TP53BP2: variants seen among roughly 807,000 people sequenced by gnomAD.
TP53BP2 encodes tumor protein p53 binding protein 2.
TP53BP2 carries 62 observed loss-of-function variants against 126.2 expected under a neutral mutation model. The ratio of observed to expected loss-of-function variants is 0.49; its 90% CI spans 0.40 to 0.61. The LOEUF is 0.61. Among genes scored for constraint, TP53BP2 ranks in the 20% least tolerant of loss-of-function variants. TP53BP2 has a pLI of 0.00. For synonymous variants in TP53BP2, 485 were observed against 502.9 expected, an observed-to-expected ratio of 0.96 and a Z score of 0.48; for missense variants, 1,215 against 1,402.8, an observed-to-expected ratio of 0.87 and a Z score of 2.14.
intron 1 of TP53BP2, among the ~76,000 whole-genome samples, chr1:223,832,788 T>C (rs1167003037): frequency 5.3e-5 from 8 of 152,184 alleles, no homozygotes; most frequent in Non-Finnish European, 7.4e-5. Flanking sequence ...AGGGCACTCA[T>C]GAGCTTGGCT....
chr1:223,831,480 A>AAAAAT (rs1287271743), intron 1 of TP53BP2, among the ~76,000 whole-genome samples: 160 of 32,384 alleles, frequency 4.9e-3, no homozygotes, highest in East Asian at 0.027. Context: ...AAAAAAAAAA[A>AAAAAT]ATATATATAT....
At chr1:223,798,814 G>A in intron 11 of TP53BP2, 137 bp from the exon 12 acceptor site, 1 of 775,986 alleles carries the variant, frequency 1.3e-6, no homozygotes, top group Non-Finnish European at 2.0e-6. Flanking sequence ...GCTCACACCT[G>A]TAATCCCAGC....
chr1:223,812,662 C>T (rs1328344727), intron 3 of TP53BP2, among the ~76,000 whole-genome samples: 1 of 152,158 alleles, frequency 6.6e-6, no homozygotes, highest in Non-Finnish European at 1.5e-5. Flanking sequence ...CTGATTCAAG[C>T]GATTCTCCCG....
intron 10 of TP53BP2, among the ~76,000 whole-genome samples, chr1:223,800,454 A>G (rs1489426384): frequency 1.3e-5 from 2 of 151,968 alleles, no homozygotes; most frequent in African/African-American, 2.4e-5. Context: ...GGTGGCATGC[A>G]CCTGTAGTAC....
intron 3 of TP53BP2, among the ~76,000 whole-genome samples, chr1:223,811,264 A>T (rs1260538990): frequency 6.6e-6 from 1 of 152,168 alleles, no homozygotes; most frequent in Non-Finnish European, 1.5e-5. Flanking sequence ...AGAGAATTTT[A>T]AAAATATATT....
chr1:223,845,575 G>A (rs953125765), intron 1 of TP53BP2, 79 bp downstream of exon 1: 25 of 1,414,176 alleles, frequency 1.8e-5, no homozygotes, highest in Non-Finnish European at 2.2e-5. Context: ...TCCCCGACGC[G>A]CCCGAGGGCG....
chr1:223,803,008 C>A, intron 7 of TP53BP2, 113 bp from the exon 8 acceptor site: 1 of 1,130,604 alleles, frequency 8.8e-7, no homozygotes, highest in Non-Finnish European at 1.2e-6. Context: ...GGTCCCTCCA[C>A]CCCTCCACAC....
chr1:223,816,178 T>C (rs1663079434), intron 2 of TP53BP2, among the ~76,000 whole-genome samples: 1 of 152,212 alleles, frequency 6.6e-6, no homozygotes, highest in Non-Finnish European at 1.5e-5. Context: ...TGGATACTTG[T>C]TTCTCTTTGT....
intron 5 of TP53BP2, among the ~76,000 whole-genome samples, 154 bp downstream of exon 5, chr1:223,806,692 C>T (rs1662729576): frequency 1.3e-5 from 2 of 152,102 alleles, no homozygotes; most frequent in African/African-American, 4.8e-5. Context: ...GGTGTGGTGG[C>T]GTCTGCCTGT....
At chr1:223,794,025 C>T (rs1023140684) in intron 13 of TP53BP2, among the ~76,000 whole-genome samples, 4 of 152,140 alleles carry the variant, frequency 2.6e-5, no homozygotes, top group Non-Finnish European at 5.9e-5. Flanking sequence ...AGTCTGCCAT[C>T]TTAACCATTT....
chr1:223,814,101 C>T (rs1053418161), intron 3 of TP53BP2, 139 bp downstream of exon 3: 6 of 614,804 alleles, frequency 9.8e-6, no homozygotes, highest in Non-Finnish European at 1.7e-5. Context: ...CTCCCCTCGA[C>T]AGCCTATCTC....
Position 223,814,353 on chromosome 1 carries a change from T to C in TP53BP2, c.176A>G (p.Glu59Gly). ...CHLAEVWCGSERPVADNERMF... is the reference protein window; with the variant it reads ...CHLAEVWCGSGRPVADNERMF... ...TCGCTCATTATCCGCAACTGGACGT[T>C]CTAAAGCAAATGAGTAGAAACCACA... Residue 59 changes from glutamate (E) to glycine (G), a missense_variant and splice_region_variant, in exon 3 of 18, where the codon GAA becomes GGA. Physicochemically the swap from Glu to Gly is moderately conservative, Grantham distance 98. Transcript: ENST00000343537. The C allele has an allele frequency of 6.2e-7, 1 of 1,608,056 alleles. No individual in the cohort carries two copies. The highest frequency in any genetic ancestry group is 8.5e-7 in the Non-Finnish European group (1 of 1,174,778).
chr1:223,798,279 GTT>G lies in TP53BP2; in HGVS notation c.1882_1883del (p.Asn628LeufsTer25), dbSNP rs1662401394. 6.2e-7 allele frequency: 1 copy of G among 1,614,096 alleles called. No individual in the cohort carries two copies. Among genetic ancestry groups the G allele is most frequent in the Non-Finnish European group, 8.5e-7 (1 of 1,180,046 alleles). On this transcript the variant is annotated frameshift_variant, in exon 12 of 18. Coordinates refer to ENST00000343537, the MANE Select transcript of TP53BP2 (RefSeq NM_001031685.3). LOFTEE classifies it high-confidence loss of function. ...MYTQQQAPGK[N>X]FQQAVQSALT... ...ACGCGCTCTGCACAGCCTGCTGGAA[GTT>G]TTTTCCTGGCGCCTGCTGTTGCGTA...
Position 223,804,179 on chromosome 1 carries a change from T to C in TP53BP2, c.644A>G (p.Lys215Arg), listed in dbSNP as rs1558096438. The C allele has an allele frequency of 6.3e-7, 1 of 1,596,896 alleles. No homozygotes were observed. Among genetic ancestry groups the C allele is most frequent in the Middle Eastern group, 1.7e-4 (1 of 5,980 alleles). ...ATCTATGAGGAACAACTCACCAAGT[T>C]TCCCATTGCTTAGTCTCTTCTGTTC... ...HVEQKRLSNG[K>R]LVEEIEQMNN... Residue 215 changes from lysine to arginine, a missense_variant, in exon 6 of 18, where the codon AAA (lysine) becomes AGA (arginine). Physicochemically the swap from Lys to Arg is conservative, Grantham distance 26. This residue lies in a region of TP53BP2 where 814 missense variants were observed against 853.0 expected (regional missense o/e 0.95). Coordinates refer to ENST00000343537, the MANE Select transcript of TP53BP2 (RefSeq NM_001031685.3).
chr1:223,784,080 C>T (rs747989505), intron 17 of TP53BP2, 35 bp downstream of exon 17: 6 of 1,597,084 alleles, frequency 3.8e-6, no homozygotes, highest in African/African-American at 1.3e-5. Flanking sequence ...CTCTCTGGCA[C>T]ATATGAAAAC....
chr1:223,845,797 C>CA lies in TP53BP2; in HGVS notation c.-118_-117insT. On this transcript the variant is annotated 5_prime_UTR_variant, in exon 1 of 18. Transcript: ENST00000343537. The stretch of plus-strand genomic sequence containing the variant: ...CGGACCTGTTGCGAGGCGGCGGCGG[C>CA]GGCAGCGGCGGCGCGCGGGTCCGAA... 1 of 1,013,580 alleles carries CA rather than the reference C, an allele frequency of 9.9e-7. No individual in the cohort carries two copies. Among genetic ancestry groups the CA allele is most frequent in the Non-Finnish European group, 1.3e-6 (1 of 795,744 alleles). The allele number at this position is 1,013,580 out of a possible 1,614,324, so 62.8% of individuals were successfully genotyped here.
chr1:223,787,893 A>AATAG (rs1474648379), intron 16 of TP53BP2, among the ~76,000 whole-genome samples: 9 of 151,864 alleles, frequency 5.9e-5, no homozygotes, highest in African/African-American at 1.9e-4. Flanking sequence ...TAAATAAATA[A>AATAG]ATAAATAAAT....
At chr1:223,804,060 G>T in intron 6 of TP53BP2, 114 bp downstream of exon 6, 1 of 1,101,820 alleles carries the variant, frequency 9.1e-7, no homozygotes, top group Non-Finnish European at 1.3e-6. Flanking sequence ...GAGGTGGGAG[G>T]ATCACTTGAG....
chr1:223,821,883 C>T (rs986774301), intron 1 of TP53BP2, among the ~76,000 whole-genome samples: 8 of 148,364 alleles, frequency 5.4e-5, no homozygotes, highest in African/African-American at 2.1e-4. Context: ...ATTACCTATT[C>T]AAAAAATTGT....
Sources: gnomAD v4.1 joint callset for allele counts (sites outside exome capture counted in the v4.1 genomes callset) on GRCh38, gnomAD v4.1.1 for gene constraint, gnomAD v4.1.1 regional missense constraint, MANE v1.5 for transcripts, NCBI Gene and HGNC (gene_info 2026-07-23, HGNC 2026-07-21) for gene names.